The following IMMP2L variants were observed in gnomAD, a reference collection of about 807,000 sequenced individuals.
IMMP2L encodes the protein inner mitochondrial membrane peptidase subunit 2, also known as mitochondrial inner membrane protease subunit 2.
A neutral mutation model predicts 19.3 loss-of-function variants in IMMP2L; 18 were observed. The observed-to-expected ratio is 0.93, with a 90% CI of 0.64 to 1.38. The LOEUF is 1.38. IMMP2L is among the 40% of genes most tolerant of loss of function. The pLI is 0.00. For synonymous variants in IMMP2L, 76 were observed against 73.0 expected (o/e 1.04, Z -0.21); for missense variants, 233 against 218.2 (o/e 1.07, Z -0.43).
intron 3 of IMMP2L, among the ~76,000 whole-genome samples, chr7:111,434,529 T>A (rs1285697120): frequency 1.3e-5 from 2 of 148,892 alleles, no homozygotes; most frequent in African/African-American, 4.9e-5. Context: ...TTTTTTTGTC[T>A]TGTTTGTTTT....
chr7:111,223,474 C>T (rs1441647082), intron 3 of IMMP2L, among the ~76,000 whole-genome samples: 2 of 152,026 alleles, frequency 1.3e-5, no homozygotes, highest in Non-Finnish European at 2.9e-5. Context: ...GAAAGGAATA[C>T]CACAAAGAAA....
chr7:111,182,869 T>C (rs1298825801), intron 3 of IMMP2L, among the ~76,000 whole-genome samples: 1 of 151,998 alleles, frequency 6.6e-6, no homozygotes, highest in African/African-American at 2.4e-5. Flanking sequence ...TAAATTGAAA[T>C]TTGGAAGACA....
chr7:110,861,139 G>GAGAC (rs1807381669), intron 5 of IMMP2L, among the ~76,000 whole-genome samples: 2 of 147,436 alleles, frequency 1.4e-5, no homozygotes, highest in African/African-American at 4.9e-5. Flanking sequence ...GACAGAGACA[G>GAGAC]AGAGACAGAG....
chr7:110,914,695 A>G (rs1813404922), intron 4 of IMMP2L, among the ~76,000 whole-genome samples: 1 of 152,144 alleles, frequency 6.6e-6, no homozygotes, highest in African/African-American at 2.4e-5. Flanking sequence ...GTGATGTCTT[A>G]TTCTTCTCAA....
At chr7:111,025,583 A>T (rs914670347) in intron 3 of IMMP2L, among the ~76,000 whole-genome samples, 3 of 152,300 alleles carry the variant, frequency 2.0e-5, no homozygotes, top group Admixed American at 6.5e-5. Context: ...AATAAAAAAT[A>T]GGTAAAATTT....
intron 3 of IMMP2L, among the ~76,000 whole-genome samples, chr7:111,394,147 C>T (rs1832653602): frequency 6.6e-6 from 1 of 151,814 alleles, no homozygotes; most frequent in South Asian, 2.1e-4. Flanking sequence ...GTTTAACTGA[C>T]AATATTTTTG....
chr7:111,227,702 A>T (rs987673827), intron 3 of IMMP2L, among the ~76,000 whole-genome samples: 12 of 152,288 alleles, frequency 7.9e-5, no homozygotes, highest in Admixed American at 7.2e-4. Context: ...ACCACACAAT[A>T]AACATCTAAT....
At chr7:111,122,774 T>G (rs1436196597) in intron 3 of IMMP2L, 1 of 1,609,758 alleles carries the variant, frequency 6.2e-7, no homozygotes, top group East Asian at 2.2e-5. Flanking sequence ...AAAGCTAAGA[T>G]GAAGGACATG....
chr7:111,414,477 T>C (rs991701519), intron 3 of IMMP2L, among the ~76,000 whole-genome samples: 2 of 151,800 alleles, frequency 1.3e-5, no homozygotes, highest in African/African-American at 2.4e-5. Context: ...CAAAATTGTA[T>C]AAACAGTAAA....
rs75521444 is a variant in IMMP2L, at chr7:110,830,125, T to C, written c.408+56468A>G. Among the ~76,000 whole-genome samples the C allele has an allele frequency of 5.5e-3, 836 of 152,230 alleles. 8 individuals are homozygous for C. The highest frequency in any genetic ancestry group is 0.024 in the South Asian group (115 of 4,820). On this transcript the variant is annotated intron_variant, in intron 5 of 5. Transcript: ENST00000405709. Reference sequence around the variant, plus strand: ...ATTATTTATCACTAACATCCCAGGTTACCGTGCATGAGAAAAGAGGTTAAA... The same window carrying C: ...ATTATTTATCACTAACATCCCAGGTCACCGTGCATGAGAAAAGAGGTTAAA...
chr7:111,012,037 CT>C (rs1196282626), intron 3 of IMMP2L, among the ~76,000 whole-genome samples: 1 of 152,070 alleles, frequency 6.6e-6, no homozygotes, highest in African/African-American at 2.4e-5. Flanking sequence ...TTTCATCCCC[CT>C]GTCTATATTG....
At chr7:111,514,222 AG>A (rs1176652132) in intron 2 of IMMP2L, among the ~76,000 whole-genome samples, 1 of 152,130 alleles carries the variant, frequency 6.6e-6, no homozygotes, top group Non-Finnish European at 1.5e-5. Flanking sequence ...TATGAAGTAA[AG>A]GGTATGTTAA....
At position 111,123,571 on chromosome 7, in the gene IMMP2L, C is replaced by T; in HGVS notation, c.240-160006G>A. 1 of 1,613,408 alleles carries T rather than the reference C, an allele frequency of 6.2e-7. No homozygotes were observed. On this transcript the variant is annotated intron_variant, in intron 3 of 5. Coordinates refer to ENST00000405709, the MANE Select transcript of IMMP2L (RefSeq NM_032549.4). This position sits in a 1 kb window ranked among gnomAD's most constrained non-coding sequence, Gnocchi z 6.4. Reference sequence around the variant, plus strand: ...AGTTGTAAATCTCAAATTTTTGGATCTAAATAAAAATCCTATTAATAGAAT... The same window carrying T: ...AGTTGTAAATCTCAAATTTTTGGATTTAAATAAAAATCCTATTAATAGAAT...
intron 4 of IMMP2L, 123 bp downstream of exon 4, chr7:110,963,377 G>C (rs891708976): frequency 1.5e-6 from 1 of 648,278 alleles, no homozygotes; most frequent in Non-Finnish European, 2.7e-6. Flanking sequence ...AGATGTACCA[G>C]CTCATTTGGA....
Position 111,490,097 on chromosome 7 carries a change from CT to C in IMMP2L, c.136-2757del, listed in dbSNP as rs80065502. Among the ~76,000 whole-genome samples the C allele has an allele frequency of 7.7e-3, 985 of 127,842 alleles. 6 individuals carry two copies. The highest frequency in any genetic ancestry group is 0.018 in the African/African-American group (608 of 34,304). The allele number at this position is 127,842 out of a possible 152,430, so 83.9% of individuals were successfully genotyped here. On this transcript the variant is annotated intron_variant, in intron 2 of 5. Transcript: ENST00000405709. The stretch of plus-strand genomic sequence containing the variant: ...ACACGTGAGCCACCACGCCTGCCCT[CT>C]TTTTTTTTTTTTTTTTTTTAAGAGG...
chr7:110,815,740 T>C (rs1802446519), intron 5 of IMMP2L, among the ~76,000 whole-genome samples: 1 of 152,208 alleles, frequency 6.6e-6, no homozygotes, highest in Admixed American at 6.5e-5. Flanking sequence ...CTAGATTTTC[T>C]AGTTTATTTG....
At chr7:111,467,598 G>A (rs528700354) in intron 3 of IMMP2L, among the ~76,000 whole-genome samples, 166 of 152,216 alleles carry the variant, frequency 1.1e-3, no homozygotes, top group Admixed American at 1.2e-3. Flanking sequence ...TTACAGAGAC[G>A]GTAAGGTTAA....
intron 3 of IMMP2L, among the ~76,000 whole-genome samples, chr7:111,126,060 T>C (rs1801277585): frequency 6.6e-6 from 1 of 152,074 alleles, no homozygotes; most frequent in African/African-American, 2.4e-5. Context: ...TGGCCTCATA[T>C]GATCTGCCCA....
intron 3 of IMMP2L, among the ~76,000 whole-genome samples, chr7:111,289,707 T>C (rs1009131588): frequency 1.3e-5 from 2 of 152,118 alleles, no homozygotes; most frequent in Non-Finnish European, 2.9e-5. Context: ...TGTTTTGTTT[T>C]GTTTTTTAAG....
Sources: allele counts gnomAD v4.1 joint callset (sites outside exome capture counted in the v4.1 genomes callset), GRCh38; gene constraint gnomAD v4.1.1; non-coding constraint Gnocchi (gnomAD v3.1); transcripts MANE v1.5; gene names NCBI Gene and HGNC (gene_info 2026-07-23, HGNC 2026-07-21).